Variants in AGBL1 observed in about 807,000 individuals in gnomAD.
AGBL1 encodes AGBL carboxypeptidase 1.
AGBL1 carries 130 observed loss-of-function variants against 118.9 expected under a neutral mutation model. The ratio of observed to expected loss-of-function variants is 1.09; its 90% CI spans 0.95 to 1.26. The LOEUF is 1.26. AGBL1 is among the 50% of genes most tolerant of loss of function. The probability of loss-of-function intolerance (pLI) is 0.00; values close to 1 mark genes in which losing one functional copy is unlikely to be tolerated. For synonymous variants in AGBL1, 555 were observed against 478.9 expected, an observed-to-expected ratio of 1.16 and a Z score of -2.08; for missense variants, 1,584 against 1,298.1, an observed-to-expected ratio of 1.22 and a Z score of -3.38.
chr15:86,754,950 C>G (rs2077913997), intron 22 of AGBL1, among the ~76,000 whole-genome samples: 1 of 152,064 alleles, frequency 6.6e-6, no homozygotes, highest in Admixed American at 6.6e-5. Context: ...TTCCCCGTAT[C>G]ACATTTGGAG....
chr15:86,972,274 G>T (rs2141705155), intron 23 of AGBL1, among the ~76,000 whole-genome samples: 1 of 152,042 alleles, frequency 6.6e-6, no homozygotes, highest in Admixed American at 6.6e-5. Flanking sequence ...GAAGGAGAAA[G>T]AAGTTTCACA....
At chr15:86,151,125 G>A (rs541599247) in intron 3 of AGBL1, among the ~76,000 whole-genome samples, 2 of 152,062 alleles carry the variant, frequency 1.3e-5, no homozygotes, top group African/African-American at 2.4e-5. Flanking sequence ...GACACAGGAA[G>A]GGGAATATCA....
intron 19 of AGBL1, among the ~76,000 whole-genome samples, chr15:86,525,680 G>A (rs1328338216): frequency 1.3e-5 from 2 of 152,088 alleles, no homozygotes; most frequent in Non-Finnish European, 2.9e-5. Context: ...AATGAACCTG[G>A]ATCCCTGTCT....
intron 21 of AGBL1, among the ~76,000 whole-genome samples, chr15:86,647,593 C>A (rs534251623): frequency 1.3e-5 from 2 of 152,140 alleles, no homozygotes; most frequent in Admixed American, 6.5e-5. Context: ...CCCAGCTACT[C>A]GGAAGGCTGA....
At chr15:86,680,319 C>A (rs1324317592) in intron 22 of AGBL1, among the ~76,000 whole-genome samples, 1 of 151,876 alleles carries the variant, frequency 6.6e-6, no homozygotes, top group African/African-American at 2.4e-5. Context: ...AGTAGCTTTT[C>A]TTTTTTAAAA....
chr15:86,374,065 G>A (rs570363301), intron 17 of AGBL1, among the ~76,000 whole-genome samples: 33 of 152,286 alleles, frequency 2.2e-4, no homozygotes, highest in South Asian at 1.2e-3. Context: ...ACCTAAGTCC[G>A]ACTTGGTTGC....
chr15:86,669,941 C>T (rs958323392), intron 21 of AGBL1, among the ~76,000 whole-genome samples: 1 of 152,028 alleles, frequency 6.6e-6, no homozygotes, highest in African/African-American at 2.4e-5. Flanking sequence ...CTTTATTCAA[C>T]TTTATTTAAA....
chr15:86,728,927 A>C, intron 22 of AGBL1, among the ~76,000 whole-genome samples: 1 of 152,110 alleles, frequency 6.6e-6, no homozygotes, highest in South Asian at 2.1e-4. Flanking sequence ...ATGGGCAGGG[A>C]TTTTGTGTGT....
intron 23 of AGBL1, among the ~76,000 whole-genome samples, chr15:86,986,383 CAT>C (rs752417717): frequency 6.6e-6 from 1 of 152,154 alleles, no homozygotes. Flanking sequence ...TTTACACACA[CAT>C]ATACACACAC....
At chr15:86,392,217 T>A (rs2081298294) in intron 17 of AGBL1, among the ~76,000 whole-genome samples, 1 of 152,154 alleles carries the variant, frequency 6.6e-6, no homozygotes, top group Non-Finnish European at 1.5e-5. Context: ...TTTTTTTCAC[T>A]CACTGTTATA....
intron 22 of AGBL1, among the ~76,000 whole-genome samples, chr15:86,692,274 A>G (rs1364138604): frequency 6.6e-6 from 1 of 152,074 alleles, no homozygotes; most frequent in Non-Finnish European, 1.5e-5. Flanking sequence ...CATCAAGCAG[A>G]TGGCACATGG....
chr15:86,171,215 G>C (rs2077410112), intron 5 of AGBL1, among the ~76,000 whole-genome samples: 1 of 152,170 alleles, frequency 6.6e-6, no homozygotes, highest in Non-Finnish European at 1.5e-5. Flanking sequence ...AGGAGCACTA[G>C]AAATGGTAAC....
intron 1 of AGBL1, among the ~76,000 whole-genome samples, chr15:86,129,766 T>G (rs1343424643): frequency 2.6e-5 from 4 of 152,302 alleles, no homozygotes; most frequent in African/African-American, 2.4e-5. Flanking sequence ...ATACCAATAG[T>G]GCTGAGCTTG....
intron 22 of AGBL1, among the ~76,000 whole-genome samples, chr15:86,863,727 G>T (rs1167294510): frequency 6.6e-6 from 1 of 152,122 alleles, no homozygotes; most frequent in African/African-American, 2.4e-5. Flanking sequence ...TGGATCATGG[G>T]CATAACAAAG....
chr15:86,914,049 A>C lies in AGBL1; in HGVS notation c.*6755A>C, dbSNP rs2080387125. On this transcript the variant is annotated 3_prime_UTR_variant, in exon 23 of 23. Transcript: ENST00000614907. ...CACTTAAGCATAATTATTTGGAGCT[A>C]TTCAGTTAAAGTGTCTGAGTGTAGC... 1 of 152,232 alleles carries C rather than the reference A, an allele frequency of 6.6e-6. No individual in the cohort carries two copies. Among genetic ancestry groups the C allele is most frequent in the Admixed American group, 6.5e-5 (1 of 15,284 alleles). The allele number at this position is 152,232 out of a possible 1,614,324, so 9.4% of individuals were successfully genotyped here.
chr15:86,509,955 T>TTTC (rs1413501659), intron 18 of AGBL1, among the ~76,000 whole-genome samples: 4 of 151,662 alleles, frequency 2.6e-5, no homozygotes, highest in Non-Finnish European at 5.9e-5. Flanking sequence ...CATTTTTTTT[T>TTTC]TTTTTTCCTG....
intron 1 of AGBL1, among the ~76,000 whole-genome samples, chr15:86,139,201 G>T (rs1237315867): frequency 6.6e-6 from 1 of 152,198 alleles, no homozygotes; most frequent in Admixed American, 6.5e-5. Context: ...CAGTGGAGAA[G>T]ATGTTAGAGG....
intron 22 of AGBL1, among the ~76,000 whole-genome samples, chr15:86,798,460 C>A (rs2078604653): frequency 6.6e-6 from 1 of 151,916 alleles, no homozygotes; most frequent in African/African-American, 2.4e-5. Flanking sequence ...CCCTCAATCC[C>A]TGGACATTCT....
intron 22 of AGBL1, among the ~76,000 whole-genome samples, chr15:86,838,257 C>G (rs866370439): frequency 8.6e-5 from 13 of 151,962 alleles, no homozygotes; most frequent in South Asian, 6.2e-4. Flanking sequence ...ACACAGTGCT[C>G]TTTATATAAA....
Sources: gnomAD v4.1 joint callset for allele counts (sites outside exome capture counted in the v4.1 genomes callset) on GRCh38, gnomAD v4.1.1 for gene constraint, MANE v1.5 for transcripts, NCBI Gene and HGNC (gene_info 2026-07-23, HGNC 2026-07-21) for gene names.